Variants in LSAMP observed in about 807,000 individuals in gnomAD.
The protein encoded by LSAMP is limbic system-associated membrane protein.
LSAMP carries 7 observed loss-of-function variants against 38.6 expected under a neutral mutation model. The ratio of observed to expected loss-of-function variants is 0.18; its 90% CI spans 0.10 to 0.34. LSAMP has a LOEUF of 0.34. LSAMP is among the 10% of genes least tolerant of loss of function. LSAMP has a pLI of 1.00. For synonymous variants in LSAMP, 154 were observed against 166.8 expected (o/e 0.92, Z 0.59); for missense variants, 313 against 420.0 (o/e 0.75, Z 2.23).
chr3:115,882,164 C>G (rs1270261120), intron 3 of LSAMP, among the ~76,000 whole-genome samples: 1 of 151,950 alleles, frequency 6.6e-6, no homozygotes, highest in East Asian at 1.9e-4. Context: ...CTTTCCTATC[C>G]CACTTCTCTC....
intron 1 of LSAMP, among the ~76,000 whole-genome samples, chr3:116,108,833 A>G (rs1039460295): frequency 5.8e-4 from 88 of 152,296 alleles, no homozygotes; most frequent in African/African-American, 1.9e-3. Flanking sequence ...CGGTTCAGGC[A>G]TTTGGAAGTT....
At chr3:115,947,159 T>G (rs949614346) in intron 3 of LSAMP, among the ~76,000 whole-genome samples, 5 of 152,136 alleles carry the variant, frequency 3.3e-5, no homozygotes, top group Non-Finnish European at 7.4e-5. Context: ...CAATCTGATA[T>G]AGAGGATTAA....
intron 3 of LSAMP, among the ~76,000 whole-genome samples, chr3:115,913,269 T>TAGTGGAG (rs771146875): frequency 1.3e-5 from 2 of 152,246 alleles, no homozygotes; most frequent in African/African-American, 2.4e-5. Flanking sequence ...TAATGACACC[T>TAGTGGAG]AGTGGAGAGA....
At chr3:116,125,872 TTTGTGG>T (rs1350280415) in intron 1 of LSAMP, among the ~76,000 whole-genome samples, 7 of 152,166 alleles carry the variant, frequency 4.6e-5, no homozygotes, top group African/African-American at 1.7e-4. Flanking sequence ...TAGATTAAGA[TTTGTGG>T]TTGTGCCTGG....
intron 1 of LSAMP, among the ~76,000 whole-genome samples, chr3:116,279,756 C>A (rs951979946): frequency 2.6e-5 from 4 of 152,022 alleles, no homozygotes; most frequent in African/African-American, 9.7e-5. Flanking sequence ...TCATATACAA[C>A]ATAAAAATGT....
At chr3:116,116,157 G>C (rs1459480700) in intron 1 of LSAMP, among the ~76,000 whole-genome samples, 4 of 143,768 alleles carry the variant, frequency 2.8e-5, no homozygotes, top group African/African-American at 1.0e-4. Context: ...CATTTTCTCA[G>C]CTTTTATATC....
intron 3 of LSAMP, among the ~76,000 whole-genome samples, chr3:115,975,687 C>T (rs967794627): frequency 2.6e-5 from 4 of 152,110 alleles, no homozygotes; most frequent in East Asian, 1.9e-4. Flanking sequence ...ATTTCTAAAC[C>T]GCCAAAGCAT....
rs1313527594 is a variant in LSAMP at position 116,130,959 on chromosome 3, T to C, written c.156-44403A>G. On this transcript the variant is annotated intron_variant, in intron 1 of 6. Coordinates refer to ENST00000490035, the MANE Select transcript of LSAMP (RefSeq NM_002338.5). ...TCATTCAAAATTCATTCACTTCACT[T>C]CCGGTAACAACTGTTTAAGGTTCCA... is the stretch of plus-strand genomic sequence containing the variant. 2.0e-5 allele frequency among the ~76,000 whole-genome samples: 3 copies of C among 151,520 alleles called. No individual in the cohort carries two copies. In the East Asian group the frequency reaches 5.8e-4, roughly 30 times the overall value.
chr3:115,843,890 C>A (rs920389523), intron 4 of LSAMP, among the ~76,000 whole-genome samples: 1 of 152,100 alleles, frequency 6.6e-6, no homozygotes, highest in African/African-American at 2.4e-5. Context: ...TGTAAACAGG[C>A]GTGCTAAATG....
At chr3:115,871,605 G>T (rs1467252531) in intron 3 of LSAMP, among the ~76,000 whole-genome samples, 5 of 145,078 alleles carry the variant, frequency 3.4e-5, no homozygotes, top group Non-Finnish European at 5.9e-5. Context: ...GTGTGTGTGT[G>T]TGTGTGTGTG....
At chr3:116,249,393 T>C (rs200548325) in intron 1 of LSAMP, among the ~76,000 whole-genome samples, 2 of 150,064 alleles carry the variant, frequency 1.3e-5, no homozygotes, top group African/African-American at 4.9e-5. Context: ...ATTCTATATT[T>C]TTTTTTTTTG....
chr3:115,864,666 G>A (rs372504851), intron 3 of LSAMP, among the ~76,000 whole-genome samples: 54 of 152,168 alleles, frequency 3.5e-4, no homozygotes, highest in African/African-American at 9.4e-4. Context: ...TTCCTTTCTC[G>A]TGGGGAACTT....
intron 1 of LSAMP, among the ~76,000 whole-genome samples, chr3:116,249,057 G>A (rs1451447656): frequency 2.0e-5 from 3 of 151,522 alleles, no homozygotes; most frequent in Admixed American, 6.6e-5. Context: ...GCTGAGACAG[G>A]AGAATGGCGT....
intron 1 of LSAMP, among the ~76,000 whole-genome samples, chr3:116,356,715 C>T (rs2048227468): frequency 6.6e-6 from 1 of 152,150 alleles, no homozygotes; most frequent in South Asian, 2.1e-4. Flanking sequence ...ATATATACAC[C>T]TACTATGTAT....
chr3:116,162,381 G>A (rs1178850875), intron 1 of LSAMP, among the ~76,000 whole-genome samples: 4 of 152,082 alleles, frequency 2.6e-5, no homozygotes, highest in Non-Finnish European at 4.4e-5. Flanking sequence ...ACAGGAAGAG[G>A]GAGGGATTCT....
At chr3:115,943,884 G>A (rs990139991) in intron 3 of LSAMP, among the ~76,000 whole-genome samples, 24 of 152,192 alleles carry the variant, frequency 1.6e-4, no homozygotes, top group African/African-American at 4.8e-4. Context: ...AACTGCTTTC[G>A]AACTGCTTCT....
intron 1 of LSAMP, among the ~76,000 whole-genome samples, chr3:116,267,399 G>C (rs1467002048): frequency 6.6e-6 from 1 of 152,080 alleles, no homozygotes; most frequent in African/African-American, 2.4e-5. Context: ...TTTCCCCAGT[G>C]CATTTGTACA....
chr3:115,811,372 G>A (rs1278884951), intron 6 of LSAMP, among the ~76,000 whole-genome samples: 1 of 152,172 alleles, frequency 6.6e-6, no homozygotes, highest in East Asian at 1.9e-4. Context: ...TGCTTTGCTT[G>A]TTCCATTTTC....
intron 3 of LSAMP, among the ~76,000 whole-genome samples, chr3:115,903,629 G>C (rs1041187215): frequency 1.3e-5 from 2 of 152,126 alleles, no homozygotes; most frequent in African/African-American, 4.8e-5. Flanking sequence ...GGATACATTA[G>C]CTTTTTTTCC....
Sources: gnomAD v4.1 joint callset for allele counts (sites outside exome capture counted in the v4.1 genomes callset) on GRCh38, gnomAD v4.1.1 for gene constraint, MANE v1.5 for transcripts, NCBI Gene and HGNC (gene_info 2026-07-23, HGNC 2026-07-21) for gene names.